Variants in BCKDHB observed in about 807,000 individuals in gnomAD.
The protein encoded by BCKDHB is 2-oxoisovalerate dehydrogenase subunit beta, mitochondrial.
In BCKDHB, 41 loss-of-function variants were observed where a neutral mutation model predicts 48.5. The ratio of observed to expected loss-of-function variants is 0.85; its 90% CI spans 0.66 to 1.10. The LOEUF is 1.10. BCKDHB is among the 50% of genes least tolerant of loss of function. The pLI is 0.00. For synonymous variants in BCKDHB, 201 were observed against 174.8 expected (o/e 1.15, Z -1.18); for missense variants, 496 against 494.2 (o/e 1.00, Z -0.03).
At chr6:80,288,903 A>G (rs1361521425) in intron 9 of BCKDHB, among the ~76,000 whole-genome samples, 1 of 152,234 alleles carries the variant, frequency 6.6e-6, no homozygotes, top group East Asian at 1.9e-4. Flanking sequence ...AACACATAGT[A>G]TTGGGAAGCT....
the BCKDHB span, among the ~76,000 whole-genome samples, chr6:80,365,719 T>A: frequency 6.6e-6 from 1 of 151,626 alleles, no homozygotes; most frequent in South Asian, 2.1e-4. Context: ...GTGACGTACA[T>A]CCTCAGCTTA....
the BCKDHB span, among the ~76,000 whole-genome samples, chr6:80,352,667 C>A: frequency 4.6e-5 from 7 of 152,230 alleles, no homozygotes; most frequent in African/African-American, 1.7e-4. Context: ...TTTGGGAAAA[C>A]CCTCCACCTT....
chr6:80,448,712 C>T, the BCKDHB span, among the ~76,000 whole-genome samples: 1 of 152,230 alleles, frequency 6.6e-6, no homozygotes, highest in South Asian at 2.1e-4. Context: ...TAATTATCAA[C>T]ATGTTTCTGT....
rs946199025 is a variant in BCKDHB at position 80,115,668 on chromosome 6, G to A, written c.196+8779G>A. On this transcript the variant is annotated intron_variant, in intron 1 of 9. Transcript: ENST00000320393. ...TTTTTTTTTTTTGAGACAGAGTCTC[G>A]CTCTGTCACCCAGGCTGGAGTGCAG... 4.0e-5 allele frequency among the ~76,000 whole-genome samples: 6 copies of A among 149,794 alleles called. 1 individual carries two copies. Among genetic ancestry groups the A allele is most frequent in the African/African-American group, 1.2e-4 (5 of 40,428 alleles).
intron 3 of BCKDHB, among the ~76,000 whole-genome samples, chr6:80,146,573 G>C (rs1035261477): frequency 2.6e-5 from 4 of 152,118 alleles, no homozygotes; most frequent in Non-Finnish European, 4.4e-5. Context: ...TGAAGAAAAT[G>C]TTGGAAGCTG....
chr6:80,356,962 CACA>C, the BCKDHB span: 19 of 101,188 alleles, frequency 1.9e-4, no homozygotes, highest in African/African-American at 4.6e-4. Context: ...GCCCCCCCCC[CACA>C]CACACGATTT....
In BCKDHB at chr6:80,205,791, GGTGTGTGTGTGTGTGTGT is replaced by G. The variant is rs3840387; in HGVS notation, c.951+2606_951+2623del. Reference sequence around the variant, plus strand: ...AGACAGAGACCTACCCTGTGCCATGGGTGTGTGTGTGTGTGTGTGTGTGTGTGTGTGTGTGTGTGTGTG... The same window carrying G: ...AGACAGAGACCTACCCTGTGCCATGGGTGTGTGTGTGTGTGTGTGTGTGTG... On this transcript the variant is annotated intron_variant, in intron 8 of 9. Coordinates refer to ENST00000320393, the MANE Select transcript of BCKDHB (RefSeq NM_183050.4). 4.3e-3 allele frequency among the ~76,000 whole-genome samples: 576 copies of G among 135,164 alleles called. 5 individuals are homozygous for G. The highest frequency in any genetic ancestry group is 0.016 in the African/African-American group (549 of 35,074). The allele number at this position is 135,164 out of a possible 152,430, so 88.7% of individuals were successfully genotyped here. A position where few individuals can be genotyped will look rare whatever the true frequency, so the allele number is the denominator to read the frequency against.
chr6:80,288,698 C>T (rs928953465), intron 9 of BCKDHB, among the ~76,000 whole-genome samples: 2 of 151,984 alleles, frequency 1.3e-5, no homozygotes, highest in Non-Finnish European at 2.9e-5. Context: ...TGTACTTTGT[C>T]TTAAGGTTTT....
the BCKDHB span, among the ~76,000 whole-genome samples, chr6:80,393,251 C>G: frequency 2.0e-5 from 3 of 152,108 alleles, no homozygotes; most frequent in Non-Finnish European, 4.4e-5. Context: ...TAATTCTCCT[C>G]AATATATTAG....
intron 8 of BCKDHB, among the ~76,000 whole-genome samples, chr6:80,209,193 C>A (rs572827817): frequency 1.3e-5 from 2 of 151,962 alleles, no homozygotes; most frequent in South Asian, 4.1e-4. Flanking sequence ...TGCAAAATGC[C>A]TGCAGCAAAA....
At chr6:80,314,160 G>A (rs980284616) in intron 9 of BCKDHB, among the ~76,000 whole-genome samples, 14 of 152,192 alleles carry the variant, frequency 9.2e-5, no homozygotes, top group Admixed American at 3.3e-4. Context: ...ACTGAGGAGT[G>A]TTTTACTTCA....
At chr6:80,430,916 T>A in the BCKDHB span, among the ~76,000 whole-genome samples, 1 of 152,196 alleles carries the variant, frequency 6.6e-6, no homozygotes, top group Non-Finnish European at 1.5e-5. Flanking sequence ...GGTGTTAGGG[T>A]GTAGATTTTA....
chr6:80,300,040 A>T (rs1767497235), intron 9 of BCKDHB, among the ~76,000 whole-genome samples: 1 of 151,926 alleles, frequency 6.6e-6, no homozygotes. Context: ...AAAGAGGAAC[A>T]AGAGCCACTA....
At chr6:80,106,929 G>C (rs757530721) in intron 1 of BCKDHB, 40 bp downstream of exon 1, 1 of 1,572,116 alleles carries the variant, frequency 6.4e-7, no homozygotes, top group African/African-American at 1.4e-5. Context: ...GCTGCAGCCC[G>C]GACTCCCAGG....
chr6:80,307,540 G>A (rs1004899856), intron 9 of BCKDHB: 12 of 984,636 alleles, frequency 1.2e-5, no homozygotes, highest in Non-Finnish European at 1.4e-5. Context: ...AAACTTAAAC[G>A]TCTCCAGATG....
chr6:80,226,032 C>G (rs924538363), intron 8 of BCKDHB, among the ~76,000 whole-genome samples: 2 of 152,096 alleles, frequency 1.3e-5, no homozygotes, highest in African/African-American at 4.8e-5. Flanking sequence ...ACTCTTAATC[C>G]TTAATCCTTT....
intron 8 of BCKDHB, among the ~76,000 whole-genome samples, chr6:80,220,271 C>T (rs1189346267): frequency 7.7e-6 from 1 of 129,800 alleles, no homozygotes; most frequent in African/African-American, 2.7e-5. Flanking sequence ...AAATTTCCCC[C>T]TTGTACTCAG....
At chr6:80,397,053 C>T in the BCKDHB span, among the ~76,000 whole-genome samples, 1 of 152,170 alleles carries the variant, frequency 6.6e-6, no homozygotes, top group Non-Finnish European at 1.5e-5. Flanking sequence ...CCCCGCTTAC[C>T]TGTGCCCAGG....
chr6:80,284,329 A>G (rs1766522529), intron 9 of BCKDHB, among the ~76,000 whole-genome samples: 1 of 152,158 alleles, frequency 6.6e-6, no homozygotes, highest in African/African-American at 2.4e-5. Context: ...AAAAACAAGA[A>G]TTTGAAAATG....
Sources: allele counts gnomAD v4.1 joint callset (sites outside exome capture counted in the v4.1 genomes callset), GRCh38; gene constraint gnomAD v4.1.1; transcripts MANE v1.5; gene names NCBI Gene and HGNC (gene_info 2026-07-23, HGNC 2026-07-21).